The following TENM2 variants were observed in gnomAD, a reference collection of about 807,000 sequenced individuals.
TENM2 encodes the protein teneurin-2.
Under a neutral mutation model 245.2 loss-of-function variants are expected in TENM2, and 52 were observed. The observed-to-expected ratio is 0.21, with a 90% CI of 0.17 to 0.27. The LOEUF (loss-of-function observed/expected upper bound fraction) is 0.27, where lower values mean the gene tolerates loss of function less well. TENM2 is among the 10% of genes least tolerant of loss of function. TENM2 has a pLI of 1.00. For synonymous variants in TENM2, 1,363 were observed against 1,438.9 expected (o/e 0.95, Z 1.19); for missense variants, 3,046 against 3,666.8 (o/e 0.83, Z 4.37).
At chr5:167,796,663 G>T (rs1214748490) in intron 2 of TENM2, among the ~76,000 whole-genome samples, 1 of 151,964 alleles carries the variant, frequency 6.6e-6, no homozygotes, top group Non-Finnish European at 1.5e-5. Flanking sequence ...ATTAATGTTT[G>T]TCTCTCCTGT....
chr5:167,044,778 C>T, the TENM2 span, among the ~76,000 whole-genome samples: 5 of 152,184 alleles, frequency 3.3e-5, no homozygotes, highest in South Asian at 6.2e-4. Context: ...AAGATGAGTT[C>T]TGAAAAGGAT....
intron 4 of TENM2, among the ~76,000 whole-genome samples, chr5:167,975,465 T>G (rs77661471): frequency 6.6e-6 from 1 of 150,870 alleles, no homozygotes; most frequent in African/African-American, 2.4e-5. Context: ...TTTTTTTTTT[T>G]GACGACTGAA....
intron 2 of TENM2, among the ~76,000 whole-genome samples, chr5:167,736,534 C>T (rs1417042894): frequency 6.6e-6 from 1 of 152,070 alleles, no homozygotes; most frequent in Non-Finnish European, 1.5e-5. Flanking sequence ...ATATTGCTCA[C>T]TTCTTTGGGT....
chr5:168,113,885 A>G (rs1315851998), intron 9 of TENM2, among the ~76,000 whole-genome samples: 5 of 152,224 alleles, frequency 3.3e-5, no homozygotes, highest in East Asian at 1.9e-4. Context: ...AGCCTTAGGA[A>G]GAAGAGAGAC....
At chr5:168,146,620 A>G (rs1756105494) in intron 12 of TENM2, among the ~76,000 whole-genome samples, 1 of 151,508 alleles carries the variant, frequency 6.6e-6, no homozygotes, top group Non-Finnish European at 1.5e-5. Context: ...AGCTAACATT[A>G]TTGAGTACTA....
At chr5:167,392,614 G>A (rs1470061709) in intron 2 of TENM2, among the ~76,000 whole-genome samples, 2 of 152,108 alleles carry the variant, frequency 1.3e-5, no homozygotes, top group African/African-American at 2.4e-5. Context: ...CCAGCTTGCA[G>A]GCAGCAGATG....
the TENM2 span, among the ~76,000 whole-genome samples, chr5:167,124,703 G>A: frequency 8.5e-5 from 13 of 152,166 alleles, no homozygotes; most frequent in Admixed American, 8.5e-4. Flanking sequence ...TTGTAATCTA[G>A]TAAGGTGGTA....
At chr5:167,470,868 G>A (rs796453056) in intron 2 of TENM2, among the ~76,000 whole-genome samples, 6 of 152,208 alleles carry the variant, frequency 3.9e-5, no homozygotes, top group African/African-American at 1.4e-4. Context: ...ACCCATTGAA[G>A]GAGGTCTGTC....
chr5:167,320,669 C>G (rs1021674570), intron 1 of TENM2, among the ~76,000 whole-genome samples: 3 of 152,158 alleles, frequency 2.0e-5, no homozygotes, highest in Non-Finnish European at 4.4e-5. Flanking sequence ...CTTTCATGCT[C>G]TCTTGCTCAC....
At chr5:167,149,200 G>T in the TENM2 span, among the ~76,000 whole-genome samples, 1 of 151,402 alleles carries the variant, frequency 6.6e-6, no homozygotes, top group Non-Finnish European at 1.5e-5. Flanking sequence ...ATTTAAGGCT[G>T]TTGAATTATA....
intron 7 of TENM2, among the ~76,000 whole-genome samples, chr5:168,068,853 G>GTT: frequency 6.6e-6 from 1 of 151,916 alleles, no homozygotes; most frequent in East Asian, 1.9e-4. Context: ...GTTTGTGTGT[G>GTT]TGTGTGTGTG....
intron 13 of TENM2, among the ~76,000 whole-genome samples, chr5:168,188,903 G>A (rs1390305933): frequency 6.6e-6 from 1 of 152,060 alleles, no homozygotes; most frequent in East Asian, 1.9e-4. Flanking sequence ...TAACTGTCTT[G>A]GTCAGTTTGG....
chr5:166,982,207 G>A, the TENM2 span, among the ~76,000 whole-genome samples: 5 of 152,058 alleles, frequency 3.3e-5, no homozygotes, highest in East Asian at 1.9e-4. Flanking sequence ...ATAGGTATCC[G>A]AGACTGTTGA....
the TENM2 span, among the ~76,000 whole-genome samples, chr5:167,198,644 TA>T: frequency 6.6e-6 from 1 of 152,026 alleles, no homozygotes; most frequent in East Asian, 1.9e-4. Flanking sequence ...CTGTGTCCCT[TA>T]CTTTGCAAGA....
Position 168,247,285 on chromosome 5 carries a change from C to T in TENM2, c.6346C>T (p.Leu2116Phe), listed in dbSNP as rs1766672138. The change falls in exon 27 of 29, where the codon CTC becomes TTC. Residue 2116 changes from leucine to phenylalanine, a missense_variant. Leu to Phe is a conservative substitution (Grantham distance 22, BLOSUM62 0). This residue lies in a region of TENM2 where 2,704 missense variants were observed against 3,331.9 expected (regional missense o/e 0.81). Coordinates refer to ENST00000518659, the Ensembl canonical transcript of TENM2. This position sits in a 1 kb window ranked among gnomAD's most constrained non-coding sequence, Gnocchi z 7.8. The stretch of plus-strand genomic sequence containing the variant: ...AAGTGAGACTCCCCTCCCCGTTGAC[C>T]TCTACCGCTATGATGAGATTTCTGG... 5 of 1,613,900 alleles carry T rather than the reference C, an allele frequency of 3.1e-6. No homozygotes were observed. Among genetic ancestry groups the T allele is most frequent in the South Asian group, 1.1e-5 (1 of 91,086 alleles).
intron 2 of TENM2, among the ~76,000 whole-genome samples, chr5:167,866,647 A>G (rs17525725): frequency 0.41 from 62,039 of 152,076 alleles, 15,401 homozygotes; most frequent in Non-Finnish European, 0.55. Context: ...GGCACAAGAT[A>G]ACATAGAGTT....
intron 2 of TENM2, among the ~76,000 whole-genome samples, chr5:167,507,644 A>C (rs1317125910): frequency 6.6e-6 from 1 of 152,118 alleles, no homozygotes; most frequent in African/African-American, 2.4e-5. Context: ...TTCCCCCTTC[A>C]ACCCTGTCAA....
intron 2 of TENM2, among the ~76,000 whole-genome samples, chr5:167,613,299 G>T (rs1305162534): frequency 6.6e-6 from 1 of 152,002 alleles, no homozygotes; most frequent in East Asian, 1.9e-4. Context: ...AGGATAATCT[G>T]CATTCAATAA....
chr5:167,222,409 A>G, the TENM2 span, among the ~76,000 whole-genome samples: 37 of 152,332 alleles, frequency 2.4e-4, no homozygotes, highest in African/African-American at 8.4e-4. Flanking sequence ...TGCATTGCAC[A>G]GTTTTGGTTC....
Sources: allele counts gnomAD v4.1 joint callset (sites outside exome capture counted in the v4.1 genomes callset), GRCh38; gene constraint gnomAD v4.1.1; regional missense constraint gnomAD v4.1.1; non-coding constraint Gnocchi (gnomAD v3.1); transcripts MANE v1.5; gene names NCBI Gene and HGNC (gene_info 2026-07-23, HGNC 2026-07-21).